CDH6: variants seen among roughly 807,000 people sequenced by gnomAD.
CDH6 encodes the protein cadherin 6.
In CDH6, 31 loss-of-function variants were observed where a neutral mutation model predicts 78.0. The ratio of observed to expected loss-of-function variants is 0.40; its 90% CI spans 0.30 to 0.54. The LOEUF is 0.54. Ranked by LOEUF, CDH6 falls within the 20% of genes least tolerant of loss-of-function variation. The pLI, the probability that CDH6 is intolerant of heterozygous loss-of-function variation, is 0.56. For synonymous variants in CDH6, 376 were observed against 368.8 expected (o/e 1.02, Z -0.23); for missense variants, 724 against 975.9 (o/e 0.74, Z 3.44).
chr5:31,279,039 C>T (rs1430231293), intron 2 of CDH6, among the ~76,000 whole-genome samples: 3 of 152,052 alleles, frequency 2.0e-5, no homozygotes, highest in Non-Finnish European at 2.9e-5. Context: ...ATCAACATCC[C>T]CCAGGCAGCA....
intron 1 of CDH6, among the ~76,000 whole-genome samples, chr5:31,264,619 A>G (rs1265468647): frequency 6.6e-6 from 1 of 152,228 alleles, no homozygotes; most frequent in Non-Finnish European, 1.5e-5. Context: ...TAAAAAAACT[A>G]TAGAATTTCA....
At chr5:31,205,309 T>G (rs1451115487) in intron 1 of CDH6, among the ~76,000 whole-genome samples, 1 of 152,194 alleles carries the variant, frequency 6.6e-6, no homozygotes, top group African/African-American at 2.4e-5. Context: ...TCTGACCACT[T>G]TCAAATGAGC....
intron 1 of CDH6, among the ~76,000 whole-genome samples, chr5:31,229,524 A>G (rs1741255899): frequency 6.6e-6 from 1 of 152,170 alleles, no homozygotes; most frequent in Admixed American, 6.5e-5. Context: ...GGCTGGTGCC[A>G]ATTTGGAAGC....
chr5:31,312,148 T>G (rs1424642421), intron 7 of CDH6, among the ~76,000 whole-genome samples: 1 of 152,224 alleles, frequency 6.6e-6, no homozygotes, highest in Non-Finnish European at 1.5e-5. Flanking sequence ...CCACTGGACA[T>G]TGTTTTCTTA....
At chr5:31,260,603 C>A (rs189216772) in intron 1 of CDH6, among the ~76,000 whole-genome samples, 2 of 152,178 alleles carry the variant, frequency 1.3e-5, no homozygotes, top group African/African-American at 4.8e-5. Context: ...AGAACAAGGG[C>A]AATCCTGTTA....
At chr5:31,235,722 A>G (rs1579839246) in intron 1 of CDH6, among the ~76,000 whole-genome samples, 1 of 152,192 alleles carries the variant, frequency 6.6e-6, no homozygotes, top group South Asian at 2.1e-4. Flanking sequence ...ATTTCCAAAC[A>G]TATGTTCTGG....
intron 6 of CDH6, among the ~76,000 whole-genome samples, chr5:31,302,838 AAGAAAG>A (rs1737833075): frequency 6.9e-6 from 1 of 144,176 alleles, no homozygotes; most frequent in African/African-American, 2.5e-5. Flanking sequence ...GAAAGAAAGA[AAGAAAG>A]AAAGAAAGAG....
chr5:31,288,802 A>T (rs1404080979), intron 2 of CDH6, among the ~76,000 whole-genome samples: 1 of 152,246 alleles, frequency 6.6e-6, no homozygotes, highest in Non-Finnish European at 1.5e-5. Flanking sequence ...GAGCAACATT[A>T]CATTTGCACT....
chr5:31,279,446 G>A (rs550680059), intron 2 of CDH6, among the ~76,000 whole-genome samples: 1 of 152,102 alleles, frequency 6.6e-6, no homozygotes, highest in Non-Finnish European at 1.5e-5. Context: ...AGGCGTGGTG[G>A]CATGCACCTG....
intron 1 of CDH6, among the ~76,000 whole-genome samples, chr5:31,234,679 G>A (rs939587841): frequency 6.6e-6 from 1 of 152,046 alleles, no homozygotes; most frequent in Non-Finnish European, 1.5e-5. Context: ...TATTTCATCA[G>A]TTTTTATAAA....
chr5:31,254,944 C>A (rs974152303), intron 1 of CDH6, among the ~76,000 whole-genome samples: 1 of 152,072 alleles, frequency 6.6e-6, no homozygotes, highest in Admixed American at 6.5e-5. Flanking sequence ...AAGTTGGTAA[C>A]CTATTAAAAT....
intron 1 of CDH6, among the ~76,000 whole-genome samples, chr5:31,200,048 G>A (rs1293180570): frequency 6.6e-6 from 1 of 152,048 alleles, no homozygotes; most frequent in Non-Finnish European, 1.5e-5. Context: ...GAGCAGCAGA[G>A]GGCATGGGAA....
rs140005733 is a variant in CDH6, at chr5:31,325,416, A to G, written c.*2108A>G. The G allele has an allele frequency of 1.3e-5, 3 of 232,524 alleles. No individual in the cohort carries two copies. Among genetic ancestry groups the G allele is most frequent in the African/African-American group, 6.6e-5 (3 of 45,420 alleles). 14.4% of individuals were successfully genotyped at this position (232,524 alleles called of 1,614,324 possible). On this transcript the variant is annotated 3_prime_UTR_variant, in exon 12 of 12. Coordinates refer to ENST00000265071, the MANE Select transcript of CDH6 (RefSeq NM_004932.4). ...TAATGAATTGATATGTATCATAGTC[A>G]CAGGTAAGTGTTGAAAAAAGCTTAG...
intron 2 of CDH6, among the ~76,000 whole-genome samples, chr5:31,273,134 A>C (rs1489540864): frequency 6.6e-6 from 1 of 152,226 alleles, no homozygotes; most frequent in African/African-American, 2.4e-5. Context: ...TGTTACTATA[A>C]TTACATGATC....
At chr5:31,197,451 G>A (rs142390100) in intron 1 of CDH6, among the ~76,000 whole-genome samples, 2 of 152,296 alleles carry the variant, frequency 1.3e-5, no homozygotes, top group African/African-American at 4.8e-5. Flanking sequence ...AACAAGCAGT[G>A]ACTCAGTCTG....
intron 1 of CDH6, among the ~76,000 whole-genome samples, chr5:31,235,871 C>T (rs1040055873): frequency 6.6e-6 from 1 of 152,080 alleles, no homozygotes; most frequent in African/African-American, 2.4e-5. Context: ...ACAATTTTTA[C>T]AATTTTTCTT....
At chr5:31,305,090 T>C in intron 6 of CDH6, 84 bp from the exon 7 acceptor site, 1 of 1,390,946 alleles carries the variant, frequency 7.2e-7, no homozygotes, top group South Asian at 1.4e-5. Flanking sequence ...ATCAGTGGTT[T>C]ACACCAAAAA....
At chr5:31,313,643 C>G (rs1447216995) in intron 8 of CDH6, among the ~76,000 whole-genome samples, 189 bp downstream of exon 8, 1 of 152,150 alleles carries the variant, frequency 6.6e-6, no homozygotes, top group Non-Finnish European at 1.5e-5. Context: ...AATGGAGAGG[C>G]AACCATGGAA....
intron 1 of CDH6, among the ~76,000 whole-genome samples, chr5:31,252,023 T>G (rs1254214578): frequency 6.6e-6 from 1 of 152,156 alleles, no homozygotes; most frequent in East Asian, 1.9e-4. Flanking sequence ...AGAAAAAAAT[T>G]CTGGGACAAA....
Sources: gnomAD v4.1 joint callset for allele counts (sites outside exome capture counted in the v4.1 genomes callset) on GRCh38, gnomAD v4.1.1 for gene constraint, MANE v1.5 for transcripts, NCBI Gene and HGNC (gene_info 2026-07-23, HGNC 2026-07-21) for gene names.